Variants in SLC44A5 observed in about 807,000 individuals in gnomAD.
The protein encoded by SLC44A5 is solute carrier family 44 member 5.
Under a neutral mutation model 101.8 loss-of-function variants are expected in SLC44A5, and 57 were observed. The ratio of observed to expected loss-of-function variants is 0.56; its 90% confidence interval spans 0.45 to 0.70. The LOEUF is 0.70. SLC44A5 is among the 30% of genes least tolerant of loss of function. The probability of loss-of-function intolerance (pLI) is 0.00; values close to 1 mark genes in which losing one functional copy is unlikely to be tolerated. For synonymous variants in SLC44A5, 281 were observed against 290.9 expected, an observed-to-expected ratio of 0.97 and a Z score of 0.35; for missense variants, 737 against 853.1, an observed-to-expected ratio of 0.86 and a Z score of 1.70.
the SLC44A5 span, among the ~76,000 whole-genome samples, chr1:75,718,146 C>T: frequency 3.9e-5 from 6 of 152,122 alleles, no homozygotes; most frequent in Admixed American, 6.5e-5. Context: ...TTCATGAAAA[C>T]GGACATTGTA....
At chr1:75,425,552 C>A (rs1054246496) in intron 2 of SLC44A5, among the ~76,000 whole-genome samples, 1 of 151,182 alleles carries the variant, frequency 6.6e-6, no homozygotes, top group Non-Finnish European at 1.5e-5. Flanking sequence ...TCTTGAGAAC[C>A]CAAAGGCTGT....
At position 75,581,010 on chromosome 1, in the gene SLC44A5, C is replaced by A. The variant is rs574460900; in HGVS notation, c.-70+30030G>T. ...CTCAGATACCTACTATCCATAAAGC[C>A]TAGCTATAAACACAAGTCAGAAAGT... On this transcript the variant is annotated intron_variant, in intron 1 of 23. Transcript: ENST00000370859. Among the ~76,000 whole-genome samples the A allele has an allele frequency of 1.3e-4, 19 of 152,000 alleles. No homozygotes were observed. The South Asian group carries it at 3.7e-3, about 30-fold the overall frequency.
intron 1 of SLC44A5, among the ~76,000 whole-genome samples, chr1:75,608,338 TG>T (rs1235632739): frequency 6.6e-6 from 1 of 151,902 alleles, no homozygotes; most frequent in Non-Finnish European, 1.5e-5. Context: ...GGTATGTGTG[TG>T]TGTGTGTGTG....
chr1:75,373,424 C>A (rs1660358211), intron 3 of SLC44A5, among the ~76,000 whole-genome samples: 1 of 152,122 alleles, frequency 6.6e-6, no homozygotes, highest in South Asian at 2.1e-4. Context: ...GATCCCATTA[C>A]CCCCACAGAC....
At chr1:75,586,777 C>A (rs1011241455) in intron 1 of SLC44A5, among the ~76,000 whole-genome samples, 1 of 152,110 alleles carries the variant, frequency 6.6e-6, no homozygotes, top group South Asian at 2.1e-4. Context: ...AGGCAGAAAT[C>A]AGATCATAGT....
intron 2 of SLC44A5, among the ~76,000 whole-genome samples, chr1:75,422,432 C>T (rs1424904537): frequency 6.6e-6 from 1 of 152,164 alleles, no homozygotes; most frequent in Admixed American, 6.5e-5. Context: ...TAAATGAAAA[C>T]ATAATTGCCT....
the SLC44A5 span, among the ~76,000 whole-genome samples, chr1:75,692,477 G>A: frequency 1.3e-5 from 2 of 152,180 alleles, no homozygotes; most frequent in Non-Finnish European, 2.9e-5. Context: ...TTACAGGCAT[G>A]AGCCACCGCA....
chr1:75,312,343 G>A (rs1249671), intron 4 of SLC44A5, among the ~76,000 whole-genome samples: 8,945 of 152,130 alleles, frequency 0.059, 906 homozygotes, highest in African/African-American at 0.2. Context: ...TGCAACAGGG[G>A]AGAAAGGGAT....
At chr1:75,527,747 T>C (rs1249310469) in intron 2 of SLC44A5, among the ~76,000 whole-genome samples, 1 of 152,230 alleles carries the variant, frequency 6.6e-6, no homozygotes, top group Non-Finnish European at 1.5e-5. Context: ...ATTTTACTTT[T>C]TGAAATCAAT....
intron 6 of SLC44A5, among the ~76,000 whole-genome samples, 176 bp from the exon 7 acceptor site, chr1:75,251,470 T>C (rs892966567): frequency 6.6e-6 from 1 of 152,168 alleles, no homozygotes; most frequent in African/African-American, 2.4e-5. Flanking sequence ...TTTTTTTTAA[T>C]AGTAAAATGT....
chr1:75,666,860 G>A, the SLC44A5 span, among the ~76,000 whole-genome samples: 2 of 152,168 alleles, frequency 1.3e-5, no homozygotes, highest in Non-Finnish European at 2.9e-5. Flanking sequence ...AATAGATGCA[G>A]AAAAGGCATT....
chr1:75,645,115 G>A, the SLC44A5 span, among the ~76,000 whole-genome samples: 180 of 152,238 alleles, frequency 1.2e-3, 1 homozygote, highest in African/African-American at 4.1e-3. Context: ...ATAGCATCAT[G>A]ATTTATAATC....
the SLC44A5 span, among the ~76,000 whole-genome samples, chr1:75,689,008 T>C: frequency 8.5e-5 from 13 of 152,324 alleles, no homozygotes; most frequent in African/African-American, 2.9e-4. Context: ...CTCTATTAGA[T>C]CTTAAGAATG....
the SLC44A5 span, among the ~76,000 whole-genome samples, chr1:75,708,458 CA>C: frequency 6.7e-6 from 1 of 149,362 alleles, no homozygotes; most frequent in African/African-American, 2.5e-5. Context: ...CTCTTTGACC[CA>C]GGAAGTATGT....
chr1:75,437,790 C>G (rs769065051), intron 2 of SLC44A5, among the ~76,000 whole-genome samples: 4 of 152,098 alleles, frequency 2.6e-5, no homozygotes, highest in African/African-American at 4.8e-5. Context: ...CCAGAGCCAG[C>G]AAGAAAGCAA....
intron 11 of SLC44A5, among the ~76,000 whole-genome samples, chr1:75,235,752 C>T (rs588478): frequency 2.2e-4 from 34 of 152,102 alleles, no homozygotes; most frequent in Non-Finnish European, 3.8e-4. Flanking sequence ...TAGTGTTTTT[C>T]GTACTCTTCC....
intron 3 of SLC44A5, among the ~76,000 whole-genome samples, chr1:75,358,013 C>T (rs1659208176): frequency 7.1e-6 from 1 of 140,058 alleles, no homozygotes; most frequent in Non-Finnish European, 1.6e-5. Context: ...TACACACACA[C>T]ACACACACAC....
intron 2 of SLC44A5, among the ~76,000 whole-genome samples, chr1:75,505,803 G>A (rs1570471395): frequency 6.6e-6 from 1 of 152,190 alleles, no homozygotes; most frequent in Middle Eastern, 3.4e-3. Context: ...TCTGTGTGTT[G>A]TTGTTTAATT....
intron 1 of SLC44A5, among the ~76,000 whole-genome samples, chr1:75,602,671 A>G (rs1675048087): frequency 6.6e-6 from 1 of 152,156 alleles, no homozygotes; most frequent in African/African-American, 2.4e-5. Context: ...ATTCTTGTGC[A>G]ACCAAACAAA....
Sources: gnomAD v4.1 joint callset for allele counts (sites outside exome capture counted in the v4.1 genomes callset) on GRCh38, gnomAD v4.1.1 for gene constraint, MANE v1.5 for transcripts, NCBI Gene and HGNC (gene_info 2026-07-23, HGNC 2026-07-21) for gene names.